Variants in CACNA1D observed in about 807,000 individuals in gnomAD.
CACNA1D encodes calcium voltage-gated channel subunit alpha1 D.
Under a neutral mutation model 257.1 loss-of-function variants are expected in CACNA1D, and 55 were observed. The ratio of observed to expected loss-of-function variants is 0.21; its 90% confidence interval spans 0.17 to 0.27. CACNA1D has a LOEUF of 0.27. Among genes scored for constraint, CACNA1D ranks in the 10% least tolerant of loss-of-function variants. The pLI is 1.00. For synonymous variants in CACNA1D, 980 were observed against 1,014.9 expected (o/e 0.97, Z 0.65); for missense variants, 1,876 against 2,784.0 (o/e 0.67, Z 7.34).
At chr3:53,788,752 T>C (rs764892696) in intron 40 of CACNA1D, among the ~76,000 whole-genome samples, 18 of 152,144 alleles carry the variant, frequency 1.2e-4, no homozygotes, top group Non-Finnish European at 2.5e-4. Flanking sequence ...CAGAACTTGA[T>C]AACTTTTCTG....
At chr3:53,733,970 A>ATG (rs1253570522) in intron 19 of CACNA1D, among the ~76,000 whole-genome samples, 14 of 128,684 alleles carry the variant, frequency 1.1e-4, no homozygotes, top group African/African-American at 4.0e-4. Flanking sequence ...GTATGTATGT[A>ATG]TATGTATATA....
At chr3:53,767,455 ACTCAGGAGG>A in intron 30 of CACNA1D, among the ~76,000 whole-genome samples, 1 of 151,598 alleles carries the variant, frequency 6.6e-6, no homozygotes, top group East Asian at 1.9e-4. Context: ...TATCCCAGCT[ACTCAGGAGG>A]CTGAGGCAGA....
chr3:53,587,177 T>C (rs561949683), intron 3 of CACNA1D, among the ~76,000 whole-genome samples: 4 of 152,034 alleles, frequency 2.6e-5, no homozygotes, highest in Admixed American at 6.6e-5. Flanking sequence ...GGCAGAAACA[T>C]GTGGGGAGGG....
At chr3:53,663,513 G>C (rs553870599) in intron 5 of CACNA1D, among the ~76,000 whole-genome samples, 2 of 152,200 alleles carry the variant, frequency 1.3e-5, no homozygotes, top group South Asian at 2.1e-4. Flanking sequence ...TCAGTCTCTT[G>C]GTTCCTCACA....
intron 3 of CACNA1D, among the ~76,000 whole-genome samples, chr3:53,521,707 C>G (rs919090366): frequency 6.6e-6 from 1 of 152,110 alleles, no homozygotes; most frequent in Admixed American, 6.5e-5. Flanking sequence ...GAAATTTTGT[C>G]CTTTCTTCCA....
intron 3 of CACNA1D, among the ~76,000 whole-genome samples, chr3:53,630,694 G>C (rs2093812599): frequency 6.6e-6 from 1 of 152,148 alleles, no homozygotes; most frequent in Admixed American, 6.5e-5. Context: ...ATGACAAGTT[G>C]GTTAAAAGGA....
At chr3:53,735,168 C>T (rs2095045259) in intron 19 of CACNA1D, among the ~76,000 whole-genome samples, 1 of 152,220 alleles carries the variant, frequency 6.6e-6, no homozygotes, top group East Asian at 1.9e-4. Context: ...AGAGGTGACA[C>T]ACCACCCACA....
intron 8 of CACNA1D, among the ~76,000 whole-genome samples, chr3:53,691,742 CATATATAATATATATTACAT>C (rs1486240830): frequency 5.8e-5 from 2 of 34,346 alleles, no homozygotes; most frequent in African/African-American, 2.9e-4. Flanking sequence ...ATATATATTA[CATATATAATATATATTACAT>C]ATAATATATA....
intron 9 of CACNA1D, among the ~76,000 whole-genome samples, chr3:53,715,698 G>A (rs1479966449): frequency 6.6e-6 from 1 of 152,154 alleles, no homozygotes; most frequent in Non-Finnish European, 1.5e-5. Flanking sequence ...ACTTAGATCT[G>A]GCCAACCTGT....
chr3:53,504,692 TA>T lies in CACNA1D; in HGVS notation c.483+2973del, dbSNP rs200509809. ...AAGCAAATACCATTGATTTTATTAT[TA>T]TTTTTTTTTTAGCACAGAGGAGGGG... is the stretch of plus-strand genomic sequence containing the variant. On this transcript the variant is annotated intron_variant, in intron 3 of 47. Transcript: ENST00000350061. Among the ~76,000 whole-genome samples, 33 of 150,764 alleles carry T rather than the reference TA, an allele frequency of 2.2e-4. No homozygotes were observed. The East Asian group carries it at 5.4e-3, about 25-fold the overall frequency.
chr3:53,745,177 C>G (rs2095155815), intron 23 of CACNA1D, among the ~76,000 whole-genome samples: 1 of 150,672 alleles, frequency 6.6e-6, no homozygotes, highest in Non-Finnish European at 1.5e-5. Context: ...TTTCCTGAGT[C>G]ATTTATGGGG....
At chr3:53,675,623 G>T (rs2108430883) in intron 8 of CACNA1D, among the ~76,000 whole-genome samples, 1 of 152,226 alleles carries the variant, frequency 6.6e-6, no homozygotes, top group Admixed American at 6.5e-5. Context: ...GATGGGCGGG[G>T]GGGCTTCCCA....
chr3:53,580,782 T>C (rs961001165), intron 3 of CACNA1D, among the ~76,000 whole-genome samples: 17 of 152,254 alleles, frequency 1.1e-4, no homozygotes, highest in Non-Finnish European at 2.4e-4. Context: ...ATTGCAGAAG[T>C]TCATTGCTTA....
At position 53,588,268 on chromosome 3, in the gene CACNA1D, G is replaced by A. The variant is rs3774460; in HGVS notation, c.484-62511G>A. Among the ~76,000 whole-genome samples the A allele has an allele frequency of 8.2e-3, 1,248 of 152,234 alleles. 38 individuals are homozygous for A. The East Asian group carries it at 0.1, about 12-fold the overall frequency. The stretch of plus-strand genomic sequence containing the variant: ...TCTGTGAGGCACACTGGAGTCTCAG[G>A]GGCAAGCTCTTTTTCACTGACTCAC... On this transcript the variant is annotated intron_variant, in intron 3 of 47. Coordinates refer to ENST00000350061, the MANE Select transcript of CACNA1D (RefSeq NM_001128840.3).
At chr3:53,704,193 C>A (rs533607071) in intron 9 of CACNA1D, among the ~76,000 whole-genome samples, 5 of 152,210 alleles carry the variant, frequency 3.3e-5, no homozygotes, top group Non-Finnish European at 5.9e-5. Flanking sequence ...GGCTGAGAGA[C>A]CCCTGGTGGA....
At chr3:53,718,786 T>C in intron 10 of CACNA1D, 1 of 1,493,926 alleles carries the variant, frequency 6.7e-7, no homozygotes, top group Non-Finnish European at 9.1e-7. Flanking sequence ...GCATTTGTGC[T>C]TTTGAAGAAG....
intron 19 of CACNA1D, 35 bp downstream of exon 19, chr3:53,732,997 T>C: frequency 6.2e-7 from 1 of 1,611,950 alleles, no homozygotes; most frequent in Non-Finnish European, 8.5e-7. Flanking sequence ...CACGGCTGCC[T>C]CTTGCCAGTG....
chr3:53,636,817 A>G (rs2093889530), intron 3 of CACNA1D, among the ~76,000 whole-genome samples: 1 of 152,236 alleles, frequency 6.6e-6, no homozygotes, highest in African/African-American at 2.4e-5. Flanking sequence ...TTGATGCTTA[A>G]TACCTATTGT....
chr3:53,804,486 C>T (rs1390113934), intron 44 of CACNA1D, among the ~76,000 whole-genome samples: 1 of 152,170 alleles, frequency 6.6e-6, no homozygotes, highest in East Asian at 1.9e-4. Flanking sequence ...AATTGAAATC[C>T]CTCCCCCAAC....
Sources: allele counts gnomAD v4.1 joint callset (sites outside exome capture counted in the v4.1 genomes callset), GRCh38; gene constraint gnomAD v4.1.1; transcripts MANE v1.5; gene names NCBI Gene and HGNC (gene_info 2026-07-23, HGNC 2026-07-21).